The following ABCA13 variants were observed in gnomAD, a reference collection of about 807,000 sequenced individuals.
ABCA13 encodes ATP binding cassette subfamily A member 13.
Under a neutral mutation model 478.7 loss-of-function variants are expected in ABCA13, and 476 were observed. The ratio of observed to expected loss-of-function variants is 0.99; its 90% CI spans 0.92 to 1.07. The LOEUF (loss-of-function observed/expected upper bound fraction) is 1.07. ABCA13 is among the 50% of genes least tolerant of loss of function. ABCA13 has a pLI of 0.00. For missense variants in ABCA13, 6,060 were observed against 5,910.6 expected, an observed-to-expected ratio of 1.03 and a Z score of -0.83; for synonymous variants, 2,252 against 2,158.9, an observed-to-expected ratio of 1.04 and a Z score of -1.20.
At chr7:48,465,738 G>A (rs1467154665) in intron 43 of ABCA13, among the ~76,000 whole-genome samples, 2 of 151,894 alleles carry the variant, frequency 1.3e-5, no homozygotes, top group Non-Finnish European at 2.9e-5. Context: ...AGGATAAATT[G>A]TTGTTAACTA....
chr7:48,464,716 A>AT (rs1368893068), intron 43 of ABCA13, among the ~76,000 whole-genome samples: 1 of 149,576 alleles, frequency 6.7e-6, no homozygotes, highest in African/African-American at 2.5e-5. Context: ...AATTCAGTGC[A>AT]TTGTTAACAT....
chr7:48,382,785 G>A lies in ABCA13; in HGVS notation c.11336-5037G>A, dbSNP rs75673333. ...TGATTTTTTTTTTTTTTGGTCATCT[G>A]TACTAGAATGAAGGTCATAAGAAGG... On this transcript the variant is annotated intron_variant, in intron 35 of 61. Transcript: ENST00000435803. 2.1e-3 allele frequency among the ~76,000 whole-genome samples: 316 copies of A among 148,148 alleles called. 1 individual carries two copies. The highest frequency in any genetic ancestry group is 3.9e-3 in the Non-Finnish European group (260 of 67,358).
rs374266218 is a variant in ABCA13, at chr7:48,638,233, C to T, written c.14838-5055C>T. On this transcript the variant is annotated intron_variant, in intron 59 of 61. Coordinates refer to ENST00000435803, the MANE Select transcript of ABCA13 (RefSeq NM_152701.5). ...TCAGACATGAAGCTGACATGGCCTC[C>T]GGAGTTCTGAGACAGTTCTGTTGGC... Among the ~76,000 whole-genome samples, 21 of 152,160 alleles carry T rather than the reference C, an allele frequency of 1.4e-4. No individual in the cohort carries two copies. The East Asian group carries it at 1.9e-3, about 14-fold the overall frequency.
intron 55 of ABCA13, among the ~76,000 whole-genome samples, chr7:48,531,731 A>ATTTTTTTTTTTTTTTTT (rs34996683): frequency 9.8e-6 from 1 of 102,262 alleles, no homozygotes; most frequent in Non-Finnish European, 1.9e-5. Context: ...TATATTCCTA[A>ATTTTTTTTTTTTTTTTT]TTTTTTTTTT....
At chr7:48,527,000 T>C (rs1004969629) in intron 54 of ABCA13, among the ~76,000 whole-genome samples, 4 of 152,184 alleles carry the variant, frequency 2.6e-5, no homozygotes, top group African/African-American at 9.7e-5. Context: ...TTAAAGTACT[T>C]TCTAAAAAGA....
chr7:48,516,653 T>C (rs781029325), intron 51 of ABCA13, 72 bp from the exon 52 acceptor site: 59 of 1,477,822 alleles, frequency 4.0e-5, no homozygotes, highest in Non-Finnish European at 5.3e-5. Context: ...GGTCTTAGAA[T>C]GTATCTGCCA....
At chr7:48,535,977 G>A (rs975125597) in intron 55 of ABCA13, among the ~76,000 whole-genome samples, 3 of 152,156 alleles carry the variant, frequency 2.0e-5, no homozygotes, top group South Asian at 2.1e-4. Context: ...ATGGTTTTCC[G>A]ATGTCTCATT....
intron 59 of ABCA13, among the ~76,000 whole-genome samples, chr7:48,633,571 A>G (rs972030308): frequency 3.3e-5 from 5 of 152,080 alleles, no homozygotes; most frequent in Admixed American, 6.6e-5. Flanking sequence ...TTGAACCACA[A>G]TGGAATATAA....
chr7:48,457,301 A>G (rs933001808), intron 43 of ABCA13, among the ~76,000 whole-genome samples: 2 of 151,958 alleles, frequency 1.3e-5, no homozygotes, highest in African/African-American at 4.8e-5. Flanking sequence ...GTATTTCCAC[A>G]TCATATTTTG....
In ABCA13 at chr7:48,221,271, T is replaced by C. The variant is rs1320167576; in HGVS notation, c.440-10T>C. ...TTGAACTAATATCTCTTAAACCTTC[T>C]TTATTATAGATTCTTCTTATGGTTC... On this transcript the variant is annotated splice_polypyrimidine_tract_variant and intron_variant, in intron 4 of 61. Coordinates refer to ENST00000435803, the MANE Select transcript of ABCA13 (RefSeq NM_152701.5). 1.8e-6 allele frequency: 2 copies of C among 1,130,372 alleles called. No homozygotes were observed. Among genetic ancestry groups the C allele is most frequent in the African/African-American group, 3.1e-5 (2 of 64,678 alleles). The allele number at this position is 1,130,372 out of a possible 1,614,324, so 70.0% of individuals were successfully genotyped here.
chr7:48,227,498 A>C, intron 6 of ABCA13, 73 bp downstream of exon 6: 1 of 1,496,720 alleles, frequency 6.7e-7, no homozygotes, highest in Non-Finnish European at 9.0e-7. Context: ...ATGAGAAATA[A>C]AAATTACTAA....
intron 20 of ABCA13, among the ~76,000 whole-genome samples, chr7:48,294,950 C>G (rs1208402377): frequency 6.6e-6 from 1 of 152,140 alleles, no homozygotes; most frequent in Non-Finnish European, 1.5e-5. Context: ...TCATTCATCT[C>G]TTTAGAAACA....
intron 19 of ABCA13, among the ~76,000 whole-genome samples, chr7:48,283,550 T>G (rs1330988548): frequency 6.6e-6 from 1 of 152,100 alleles, no homozygotes; most frequent in Non-Finnish European, 1.5e-5. Context: ...ATAGGCATGA[T>G]AGGCATTCAA....
Position 48,244,227 on chromosome 7 carries a change from A to G in ABCA13, c.1263-349A>G, listed in dbSNP as rs1299635038. Among the ~76,000 whole-genome samples the G allele has an allele frequency of 2.0e-5, 3 of 152,220 alleles. No individual in the cohort carries two copies. In the East Asian group the frequency reaches 5.8e-4, roughly 29 times the overall value. On this transcript the variant is annotated intron_variant, in intron 10 of 61. Transcript: ENST00000435803. ...TCTCTATATTTTGAAACTTTTCTCA[A>G]AATATTTTTCTATATCTCATTAACT...
intron 18 of ABCA13, among the ~76,000 whole-genome samples, chr7:48,280,841 T>C (rs1796935251): frequency 6.6e-6 from 1 of 152,222 alleles, no homozygotes; most frequent in Non-Finnish European, 1.5e-5. Flanking sequence ...ACTGCTAGTT[T>C]TCAGAGCTTC....
intron 3 of ABCA13, among the ~76,000 whole-genome samples, chr7:48,214,296 A>T (rs1786111326): frequency 6.6e-6 from 1 of 152,166 alleles, no homozygotes; most frequent in African/African-American, 2.4e-5. Context: ...CTAAGCTTTG[A>T]TATTCCATTT....
At chr7:48,401,463 G>C (rs954865477) in intron 38 of ABCA13, among the ~76,000 whole-genome samples, 1 of 152,146 alleles carries the variant, frequency 6.6e-6, no homozygotes, top group African/African-American at 2.4e-5. Context: ...CCCATAGCAT[G>C]TTGATTATAC....
At chr7:48,589,725 TCCAAGATCAAGGCACTG>T (rs1400733269) in intron 57 of ABCA13, among the ~76,000 whole-genome samples, 1 of 152,230 alleles carries the variant, frequency 6.6e-6, no homozygotes, top group Admixed American at 6.5e-5. Flanking sequence ...GTCTGGGAAG[TCCAAGATCAAGGCACTG>T]CCAGGTCCAG....
At chr7:48,590,547 G>A (rs1313475745) in intron 57 of ABCA13, among the ~76,000 whole-genome samples, 1 of 152,088 alleles carries the variant, frequency 6.6e-6, no homozygotes, top group Non-Finnish European at 1.5e-5. Context: ...TTTTTAATTT[G>A]TAGAGGAACC....
Sources: allele counts gnomAD v4.1 joint callset (sites outside exome capture counted in the v4.1 genomes callset), GRCh38; gene constraint gnomAD v4.1.1; transcripts MANE v1.5; gene names NCBI Gene and HGNC (gene_info 2026-07-23, HGNC 2026-07-21).